LMO1: variants seen among roughly 807,000 people sequenced by gnomAD.
LMO1 encodes rhombotin-1.
In LMO1, 10 loss-of-function variants were observed where a neutral mutation model predicts 18.0. The ratio of observed to expected loss-of-function variants is 0.55; its 90% CI spans 0.34 to 0.94. LMO1 has a LOEUF of 0.94. Among genes scored for constraint, LMO1 ranks in the 40% least tolerant of loss-of-function variants. The pLI, the probability that LMO1 is intolerant of heterozygous loss-of-function variation, is 0.02. For missense variants in LMO1, 183 were observed against 205.7 expected (o/e 0.89, Z 0.68); for synonymous variants, 77 against 77.9 (o/e 0.99, Z 0.06).
intron 1 of LMO1, among the ~76,000 whole-genome samples, chr11:8,240,082 C>T (rs1013470587): frequency 4.7e-5 from 7 of 149,916 alleles, no homozygotes; most frequent in African/African-American, 1.5e-4. Context: ...GGCAGCATCA[C>T]GTCATCTTTT....
At chr11:8,245,064 A>G (rs186031297) in intron 1 of LMO1, among the ~76,000 whole-genome samples, 1 of 152,258 alleles carries the variant, frequency 6.6e-6, no homozygotes, top group African/African-American at 2.4e-5. Context: ...CATCTTCCCA[A>G]GTCCTTGTTG....
At chr11:8,234,170 G>A (rs1390234697) in intron 1 of LMO1, among the ~76,000 whole-genome samples, 1 of 152,098 alleles carries the variant, frequency 6.6e-6, no homozygotes, top group Admixed American at 6.5e-5. Flanking sequence ...CCTCTAGCAG[G>A]GGGTGGAGGC....
intron 1 of LMO1, among the ~76,000 whole-genome samples, chr11:8,245,662 G>A (rs773505342): frequency 2.0e-5 from 3 of 152,102 alleles, no homozygotes; most frequent in Non-Finnish European, 2.9e-5. Context: ...CCGGAAGTTC[G>A]GACAACCAAG....
rs555625003 is a variant in LMO1 at position 8,230,208 on chromosome 11, G to A, written c.239+83C>T. The A allele has an allele frequency of 1.3e-4, 169 of 1,255,772 alleles. 2 individuals carry two copies. Among genetic ancestry groups the A allele is most frequent in the South Asian group, 1.2e-3 (93 of 80,378 alleles). 77.8% of individuals were successfully genotyped at this position (1,255,772 alleles called of 1,614,324 possible). A position where few individuals can be genotyped will look rare whatever the true frequency, so the allele number is the denominator to read the frequency against. ...CACACAGGGTACTGGGTCTAGGGCC[G>A]GGGGCACAGTCACGCTGGGGCTGAG... On this transcript the variant is annotated intron_variant, in intron 2 of 3. Transcript: ENST00000335790.
chr11:8,233,814 A>G (rs1245520393), intron 1 of LMO1, among the ~76,000 whole-genome samples: 1 of 151,758 alleles, frequency 6.6e-6, no homozygotes. Context: ...CATTAAGGAG[A>G]TAGCATCCCT....
At chr11:8,248,211 C>T (rs11041823) in intron 1 of LMO1, among the ~76,000 whole-genome samples, 9 of 152,182 alleles carry the variant, frequency 5.9e-5, no homozygotes, top group African/African-American at 1.9e-4. Context: ...ATGCCGCTGC[C>T]GTCAATTTCA....
intron 2 of LMO1, among the ~76,000 whole-genome samples, chr11:8,229,224 C>A (rs12278655): frequency 0.11 from 16,736 of 152,216 alleles, 1,283 homozygotes; most frequent in East Asian, 0.33. Flanking sequence ...CTGGTCTCAG[C>A]CTCTCCCCTC....
upstream of LMO1, among the ~76,000 whole-genome samples, chr11:8,264,574 T>C (rs902766997): frequency 1.3e-5 from 2 of 152,132 alleles, no homozygotes; most frequent in Non-Finnish European, 1.5e-5. Context: ...TCTGGCTGCC[T>C]ACCCTAGGAA....
chr11:8,241,972 T>C (rs1335662213), intron 1 of LMO1, among the ~76,000 whole-genome samples: 1 of 152,134 alleles, frequency 6.6e-6, no homozygotes, highest in Non-Finnish European at 1.5e-5. Flanking sequence ...ATGGAATCTA[T>C]CCAGATATTA....
chr11:8,251,857 G>A (rs1326889551), intron 1 of LMO1, among the ~76,000 whole-genome samples: 6 of 60,854 alleles, frequency 9.9e-5, no homozygotes, highest in Non-Finnish European at 1.8e-4. Flanking sequence ...GTGCGTGTGT[G>A]TGTGAATGTG....
chr11:8,253,035 C>T (rs1404007779), intron 1 of LMO1, among the ~76,000 whole-genome samples: 2 of 152,214 alleles, frequency 1.3e-5, no homozygotes, highest in Admixed American at 1.3e-4. Flanking sequence ...CCTGACAACC[C>T]GTGTTGTTGT....
At chr11:8,246,535 GAATGGGGAGTGACTGCT>G (rs1412752949) in intron 1 of LMO1, among the ~76,000 whole-genome samples, 4 of 152,206 alleles carry the variant, frequency 2.6e-5, no homozygotes, top group Admixed American at 1.3e-4. Flanking sequence ...AGGGAGGGAG[GAATGGGGAGTGACTGCT>G]AATGGGCTGA....
chr11:8,250,122 C>T (rs520756), intron 1 of LMO1, among the ~76,000 whole-genome samples: 135,770 of 152,184 alleles, frequency 0.89, 60,827 homozygotes, highest in Middle Eastern at 0.96. Flanking sequence ...TATTGGCTTA[C>T]GATCAGCTTT....
At chr11:8,242,182 C>G (rs1846806274) in intron 1 of LMO1, among the ~76,000 whole-genome samples, 1 of 152,186 alleles carries the variant, frequency 6.6e-6, no homozygotes. Context: ...GAGAAGCCAT[C>G]CCAGGGCTCC....
At position 8,233,246 on chromosome 11, in the gene LMO1, A is replaced by G. The variant is rs75023070; in HGVS notation, c.26-2742T>C. ...AGCCTGGCTGAGAAGGCCCCAGAGC[A>G]TCTAGAGACCCTTGGGTCTAGAGAC... On this transcript the variant is annotated intron_variant, in intron 1 of 3. Coordinates refer to ENST00000335790, the MANE Select transcript of LMO1 (RefSeq NM_002315.3). 5.1e-3 allele frequency among the ~76,000 whole-genome samples: 781 copies of G among 152,238 alleles called. 5 individuals carry two copies. Among genetic ancestry groups the G allele is most frequent in the African/African-American group, 0.018 (753 of 41,538 alleles).
intron 1 of LMO1, among the ~76,000 whole-genome samples, chr11:8,248,059 G>A (rs998720236): frequency 6.6e-6 from 1 of 152,224 alleles, no homozygotes; most frequent in Non-Finnish European, 1.5e-5. Flanking sequence ...GCTCAGAAAA[G>A]TTAAGTGGTT....
At chr11:8,255,434 G>C (rs1026306435) in intron 1 of LMO1, among the ~76,000 whole-genome samples, 8 of 152,212 alleles carry the variant, frequency 5.3e-5, no homozygotes, top group Admixed American at 5.2e-4. Context: ...AGCCCAAGAG[G>C]TCAAGGCTGC....
chr11:8,236,353 G>T (rs1044044650), intron 1 of LMO1, among the ~76,000 whole-genome samples: 1 of 151,540 alleles, frequency 6.6e-6, no homozygotes, highest in Non-Finnish European at 1.5e-5. Context: ...ACCAAGCCAG[G>T]CTAATTTTTG....
chr11:8,226,956 C>A lies in LMO1; in HGVS notation c.365+19G>T. The stretch of plus-strand genomic sequence containing the variant: ...CTGGCGTCTGGGGAGTGTGTTGGGT[C>A]GGCCAGTCCAGCACTGACCTCTGGT... On this transcript the variant is annotated intron_variant, in intron 3 of 3. Coordinates refer to ENST00000335790, the MANE Select transcript of LMO1 (RefSeq NM_002315.3). 6.2e-7 allele frequency: 1 copy of A among 1,602,700 alleles called. No homozygotes were observed. The highest frequency in any genetic ancestry group is 8.5e-7 in the Non-Finnish European group (1 of 1,172,536).
Sources: gnomAD v4.1 joint callset for allele counts (sites outside exome capture counted in the v4.1 genomes callset) on GRCh38, gnomAD v4.1.1 for gene constraint, MANE v1.5 for transcripts, NCBI Gene and HGNC (gene_info 2026-07-23, HGNC 2026-07-21) for gene names.